Variants in ZNF571 observed in about 807,000 individuals in gnomAD.
ZNF571 encodes the protein zinc finger protein 571.
A neutral mutation model predicts 7.7 loss-of-function variants in ZNF571; 4 were observed. That is an observed-to-expected ratio of 0.52 (90% CI 0.25 to 1.18). The LOEUF (loss-of-function observed/expected upper bound fraction) is 1.18. ZNF571 is among the 50% of genes most tolerant of loss of function. The pLI is 0.14. For missense variants in ZNF571, 704 were observed against 726.9 expected (o/e 0.97, Z 0.36); for synonymous variants, 251 against 232.4 (o/e 1.08, Z -0.73).
At chr19:37,590,744 T>TA (rs2043845771) in intron 1 of ZNF571, among the ~76,000 whole-genome samples, 1 of 152,170 alleles carries the variant, frequency 6.6e-6, no homozygotes, top group Non-Finnish European at 1.5e-5. Context: ...TCTGTAAGTG[T>TA]AATATTATAT....
At chr19:37,593,018 GAAAT>G (rs922328957) in intron 1 of ZNF571, among the ~76,000 whole-genome samples, 2 of 152,004 alleles carry the variant, frequency 1.3e-5, no homozygotes, top group Non-Finnish European at 2.9e-5. Flanking sequence ...ATATGTCTTT[GAAAT>G]AATTGGGAAA....
chr19:37,588,871 A>G (rs898845020), intron 1 of ZNF571, among the ~76,000 whole-genome samples: 2 of 152,162 alleles, frequency 1.3e-5, no homozygotes, highest in Non-Finnish European at 2.9e-5. Flanking sequence ...CACATACCCA[A>G]ATTAACTCCA....
chr19:37,586,117 A>T, intron 2 of ZNF571: 1 of 152,766 alleles, frequency 6.5e-6, no homozygotes, highest in East Asian at 1.9e-4. Context: ...TATTGATTTA[A>T]GCCACTAAAT....
At chr19:37,584,246 A>G in intron 2 of ZNF571, 149 bp from the exon 3 acceptor site, 1 of 953,836 alleles carries the variant, frequency 1.0e-6, no homozygotes, top group Non-Finnish European at 1.5e-6. Context: ...CTGATTCTCT[A>G]TCATTCCTAT....
chr19:37,593,620 G>A (rs1188866582), intron 1 of ZNF571, among the ~76,000 whole-genome samples: 2 of 152,196 alleles, frequency 1.3e-5, no homozygotes, highest in East Asian at 3.9e-4. Context: ...GGAGAATGGC[G>A]TGAACCCGGA....
rs60136941 is a variant in ZNF571, at chr19:37,589,864, C to CAAAAAAAAAA, written c.-69-3129_-69-3120dup. On this transcript the variant is annotated intron_variant, in intron 1 of 3. Coordinates refer to ENST00000451802, the MANE Select transcript of ZNF571 (RefSeq NM_016536.5). ...TGGGCAACAGAGCAAGACTCCATCT[C>CAAAAAAAAAA]AAAAAAAAAAAAAAAAAAAAAAAGC... is the stretch of plus-strand genomic sequence containing the variant. 2.4e-4 allele frequency among the ~76,000 whole-genome samples: 7 copies of CAAAAAAAAAA among 29,586 alleles called. 2 individuals are homozygous for CAAAAAAAAAA. The highest frequency in any genetic ancestry group is 4.4e-4 in the African/African-American group (3 of 6,768). The allele number at this position is 29,586 out of a possible 152,430, so 19.4% of individuals were successfully genotyped here.
intron 3 of ZNF571, among the ~76,000 whole-genome samples, chr19:37,575,220 A>G (rs2043203016): frequency 6.6e-6 from 1 of 152,188 alleles, no homozygotes. Context: ...TTATGGATGC[A>G]TTATGTGCTT....
intron 1 of ZNF571, among the ~76,000 whole-genome samples, chr19:37,593,089 A>G (rs953561084): frequency 6.6e-6 from 1 of 152,228 alleles, no homozygotes; most frequent in Non-Finnish European, 1.5e-5. Context: ...TTACACCAAC[A>G]TAAGAAACAA....
chr19:37,564,992 C>T lies in ZNF571; in HGVS notation c.1436G>A (p.Cys479Tyr), dbSNP rs981036076. ...HGEKHYECKE[C>Y]GKTFVRATQL... ...TGTAGCACGTACAAAGGTCTTCCCACATTCCTTACATTCATAATGTTTCTC... is the reference window on the plus strand; with the variant it reads ...TGTAGCACGTACAAAGGTCTTCCCATATTCCTTACATTCATAATGTTTCTC... The change falls in exon 4 of 4, where the codon TGT (cysteine) becomes TAT (tyrosine). Residue 479 changes from cysteine (C) to tyrosine (Y), a missense_variant. Coordinates refer to ENST00000451802, the MANE Select transcript of ZNF571 (RefSeq NM_016536.5). 22 of 1,613,770 alleles carry T rather than the reference C, an allele frequency of 1.4e-5. No individual in the cohort carries two copies. Among genetic ancestry groups the T allele is most frequent in the Non-Finnish European group, 1.8e-5 (21 of 1,179,890 alleles).
chr19:37,592,372 TTTCTC>T (rs1366633734), intron 1 of ZNF571, among the ~76,000 whole-genome samples: 3 of 152,334 alleles, frequency 2.0e-5, no homozygotes, highest in South Asian at 2.1e-4. Context: ...TTTAGATACT[TTTCTC>T]TAATAGCCAC....
intron 3 of ZNF571, among the ~76,000 whole-genome samples, chr19:37,573,274 T>C (rs997256636): frequency 4.6e-5 from 7 of 152,156 alleles, no homozygotes; most frequent in Non-Finnish European, 5.9e-5. Context: ...TTGGAGATAC[T>C]GGATTCCTAT....
At chr19:37,570,349 A>G (rs757732026) in intron 3 of ZNF571, among the ~76,000 whole-genome samples, 5 of 151,972 alleles carry the variant, frequency 3.3e-5, no homozygotes, top group Admixed American at 6.6e-5. Flanking sequence ...GATCCTTTTG[A>G]AACTTTGAGC....
At chr19:37,567,168 T>C (rs1345760632) in intron 3 of ZNF571, among the ~76,000 whole-genome samples, 1 of 152,236 alleles carries the variant, frequency 6.6e-6, no homozygotes, top group Admixed American at 6.5e-5. Context: ...TATTGCATTT[T>C]TCACTAATGG....
rs115491718 is a variant in ZNF571, at chr19:37,565,749, C to T, written c.679G>A (p.Ala227Thr). 448 of 1,613,758 alleles carry T rather than the reference C, an allele frequency of 2.8e-4. 2 individuals carry two copies. In the African/African-American group the frequency reaches 4.9e-3, roughly 18 times the overall value. ...HTNEKPYQCN[A>T]CGKAFIRGSQ... The stretch of plus-strand genomic sequence containing the variant: ...CCACGAATAAAAGCTTTCCCACATG[C>T]GTTACACTGATAAGGTTTTTCATTA... Residue 227 changes from alanine (A) to threonine (T), a missense_variant, in exon 4 of 4, where the codon GCA becomes ACA. By Grantham distance (58) the Ala-to-Thr change is moderately conservative. Transcript: ENST00000451802.
intron 3 of ZNF571, 167 bp downstream of exon 3, chr19:37,583,804 T>C: frequency 1.7e-6 from 1 of 599,526 alleles, no homozygotes. Context: ...CAGAGAAAGA[T>C]GTGACAGTCT....
At chr19:37,583,067 G>A (rs571926533) in intron 3 of ZNF571, among the ~76,000 whole-genome samples, 6 of 152,066 alleles carry the variant, frequency 3.9e-5, no homozygotes, top group Non-Finnish European at 8.8e-5. Context: ...TAGCCACACT[G>A]GCCTTCTTGC....
chr19:37,570,460 C>T (rs1459323959), intron 3 of ZNF571, among the ~76,000 whole-genome samples: 2 of 152,158 alleles, frequency 1.3e-5, no homozygotes, highest in African/African-American at 4.8e-5. Flanking sequence ...AAGTCAACAC[C>T]AACTCAAGGA....
chr19:37,580,331 C>T (rs1199792602), intron 3 of ZNF571, among the ~76,000 whole-genome samples: 1 of 152,236 alleles, frequency 6.6e-6, no homozygotes, highest in East Asian at 1.9e-4. Flanking sequence ...GCAGTCTTCA[C>T]CATCACAGGA....
intron 3 of ZNF571, among the ~76,000 whole-genome samples, chr19:37,576,911 T>G (rs2043261352): frequency 1.3e-5 from 2 of 151,136 alleles, no homozygotes; most frequent in South Asian, 4.2e-4. Flanking sequence ...CTTATATCCC[T>G]TTTTTTTTGT....
Sources: allele counts gnomAD v4.1 joint callset (sites outside exome capture counted in the v4.1 genomes callset), GRCh38; gene constraint gnomAD v4.1.1; transcripts MANE v1.5; gene names NCBI Gene and HGNC (gene_info 2026-07-23, HGNC 2026-07-21).